SERPINE3: variants seen among roughly 807,000 people sequenced by gnomAD.
The protein encoded by SERPINE3 is serpin family E member 3, also known as serpin E3.
SERPINE3 carries 43 observed loss-of-function variants against 41.7 expected under a neutral mutation model. The observed-to-expected ratio is 1.03, with a 90% CI of 0.81 to 1.33. The LOEUF (loss-of-function observed/expected upper bound fraction) is 1.33. SERPINE3 is among the 40% of genes most tolerant of loss of function. The probability of loss-of-function intolerance (pLI) is 0.00; values close to 1 mark genes in which losing one functional copy is unlikely to be tolerated. For missense variants in SERPINE3, 440 were observed against 491.7 expected (o/e 0.89, Z 0.99); for synonymous variants, 200 against 192.2 (o/e 1.04, Z -0.34).
intron 6 of SERPINE3, among the ~76,000 whole-genome samples, chr13:51,351,630 T>G (rs1280341550): frequency 6.6e-6 from 1 of 152,150 alleles, no homozygotes; most frequent in Admixed American, 6.5e-5. Flanking sequence ...AAGTTGTTAA[T>G]TTGGATGAAG....
chr13:51,344,407 A>G lies in SERPINE3; in HGVS notation c.412A>G (p.Ser138Gly). The G allele has an allele frequency of 6.2e-7, 1 of 1,611,688 alleles. No homozygotes were observed. Among genetic ancestry groups the G allele is most frequent in the Non-Finnish European group, 8.5e-7 (1 of 1,178,906 alleles). ...VEHVSWWANSSLEPADLSEPN... is the reference protein window; with the variant it reads ...VEHVSWWANSGLEPADLSEPN... ...GCACGTCTCCTGGTGGGCTAACAGC[A>G]GCCTGGAACCAGCCGACCTCAGTGA... Residue 138 changes from serine (S) to glycine (G), a missense_variant, in exon 4 of 10, where the codon AGC (serine) becomes GGC (glycine). Ser to Gly is a moderately conservative substitution (Grantham distance 56). Transcript: ENST00000681248.
At chr13:51,342,804 T>C (rs576872365) in intron 3 of SERPINE3, among the ~76,000 whole-genome samples, 10 of 152,304 alleles carry the variant, frequency 6.6e-5, no homozygotes, top group Non-Finnish European at 1.5e-4. Flanking sequence ...CAGAAATACA[T>C]GTGACCTTCC....
intron 7 of SERPINE3, 68 bp from the exon 8 acceptor site, chr13:51,361,210 A>G (rs1350774478): frequency 5.1e-6 from 5 of 984,374 alleles, no homozygotes; most frequent in Non-Finnish European, 7.9e-6. Flanking sequence ...ATTTTTAAAG[A>G]ATGTGTTCTA....
chr13:51,341,522 G>A (rs1955291906), intron 3 of SERPINE3, among the ~76,000 whole-genome samples, 175 bp downstream of exon 3: 1 of 152,216 alleles, frequency 6.6e-6, no homozygotes, highest in South Asian at 2.1e-4. Flanking sequence ...GAGATAGGGA[G>A]CTCAGCTCCC....
chr13:51,339,712 C>G lies in SERPINE3; in HGVS notation c.-127C>G, dbSNP rs948489225. ...GGAGACCCACAAGAACAGAGTCGAG[C>G]AAGGAAACGTGCAACAGTGATACAA... On this transcript the variant is annotated 5_prime_UTR_variant, in exon 1 of 10. Transcript: ENST00000681248. 1 of 152,210 alleles carries G rather than the reference C, an allele frequency of 6.6e-6. No individual in the cohort carries two copies. The highest frequency in any genetic ancestry group is 1.5e-5 in the Non-Finnish European group (1 of 68,044). 9.4% of individuals were successfully genotyped at this position (152,210 alleles called of 1,614,324 possible).
Position 51,361,371 on chromosome 13 carries a change from T to A in SERPINE3, c.1087+7T>A. On this transcript the variant is annotated splice_region_variant and intron_variant, in intron 8 of 9. Transcript: ENST00000681248. ...AAGGCATCTGGAGCCACAGGTATGT[T>A]CAGAGAATACCCAGTCACACTGCTT... 1 of 1,573,002 alleles carries A rather than the reference T, an allele frequency of 6.4e-7. No homozygotes were observed. The highest frequency in any genetic ancestry group is 8.7e-7 in the Non-Finnish European group (1 of 1,145,160).
At chr13:51,359,469 T>G (rs1955529004) in intron 7 of SERPINE3, among the ~76,000 whole-genome samples, 1 of 152,084 alleles carries the variant, frequency 6.6e-6, no homozygotes, top group Admixed American at 6.6e-5. Context: ...TAAATGTCAA[T>G]TATTGGACCA....
intron 4 of SERPINE3, among the ~76,000 whole-genome samples, chr13:51,344,704 GCA>G (rs147836230): frequency 8.0e-5 from 12 of 150,364 alleles, no homozygotes; most frequent in Admixed American, 4.0e-4. Flanking sequence ...ATACACATGG[GCA>G]CACACACACA....
chr13:51,354,515 G>T (rs1955450774), intron 6 of SERPINE3, among the ~76,000 whole-genome samples: 1 of 151,906 alleles, frequency 6.6e-6, no homozygotes, highest in African/African-American at 2.4e-5. Flanking sequence ...CAGCTACTCG[G>T]GAAGCTAAGG....
chr13:51,347,037 G>C lies in SERPINE3; in HGVS notation c.503G>C (p.Ser168Thr), dbSNP rs1955354362. 2 of 1,582,726 alleles carry C rather than the reference G, an allele frequency of 1.3e-6. No individual in the cohort carries two copies. The highest frequency in any genetic ancestry group is 1.3e-5 in the African/African-American group (1 of 74,414). ...ASRETAGGGPSEGPGGWPWEQ... is the reference protein window; with the variant it reads ...ASRETAGGGPTEGPGGWPWEQ... ...TTCCTGCTTGCAGGTGGGGGCCCCA[G>C]TGAGGGCCCTGGTGGCTGGCCGTGG... Residue 168 changes from serine to threonine, a missense_variant, in exon 5 of 10, where the codon AGT becomes ACT. By Grantham distance (58) the Ser-to-Thr change is moderately conservative. Coordinates refer to ENST00000681248, the MANE Select transcript of SERPINE3 (RefSeq NM_001386375.1).
chr13:51,341,113 C>T lies in SERPINE3; in HGVS notation c.22C>T (p.Leu8Phe). The change falls in exon 3 of 10, where the codon CTC becomes TTC. Residue 8 changes from leucine (L) to phenylalanine (F), a missense_variant. Transcript: ENST00000681248. ...CTCCATGCCGCCTTTCCTGATCACC[C>T]TCTTCCTCTTTCACTCTTGCTGCCT... MPPFLITLFLFHSCCLRA... is the reference protein window; with the variant it reads MPPFLITFFLFHSCCLRA... The T allele has an allele frequency of 6.2e-7, 1 of 1,613,996 alleles. No individual in the cohort carries two copies. The highest frequency in any genetic ancestry group is 1.1e-5 in the South Asian group (1 of 91,080).
At chr13:51,342,834 TTATAAG>T (rs989414449) in intron 3 of SERPINE3, among the ~76,000 whole-genome samples, 2 of 152,136 alleles carry the variant, frequency 1.3e-5, no homozygotes, top group Admixed American at 1.3e-4. Context: ...TAAAATCTGA[TTATAAG>T]TATGTTTTTA....
At chr13:51,349,406 T>G (rs931939072) in intron 6 of SERPINE3, among the ~76,000 whole-genome samples, 2 of 152,264 alleles carry the variant, frequency 1.3e-5, no homozygotes, top group Non-Finnish European at 2.9e-5. Context: ...AACTAAATAT[T>G]TGGACCCCAA....
chr13:51,360,473 A>AT (rs1402115592), intron 7 of SERPINE3, among the ~76,000 whole-genome samples: 1 of 152,040 alleles, frequency 6.6e-6, no homozygotes, highest in Non-Finnish European at 1.5e-5. Context: ...TAAATCTTTC[A>AT]TTTTTTACTG....
chr13:51,343,875 T>C (rs2137766792), intron 3 of SERPINE3, among the ~76,000 whole-genome samples: 1 of 152,304 alleles, frequency 6.6e-6, no homozygotes, highest in Non-Finnish European at 1.5e-5. Context: ...CCCATCACCC[T>C]GCACCCTGGA....
chr13:51,364,713 A>G lies in SERPINE3; in HGVS notation c.*431A>G, dbSNP rs1424690428. The G allele has an allele frequency of 6.5e-6, 1 of 154,216 alleles. No individual in the cohort carries two copies. Among genetic ancestry groups the G allele is most frequent in the Non-Finnish European group, 1.4e-5 (1 of 69,246 alleles). The allele number at this position is 154,216 out of a possible 1,614,324, so 9.6% of individuals were successfully genotyped here. A position where few individuals can be genotyped will look rare whatever the true frequency, so the allele number is the denominator to read the frequency against. On this transcript the variant is annotated 3_prime_UTR_variant, in exon 10 of 10. Transcript: ENST00000681248. ...TTTCCTTTCCATTTAGCTTATAAAT[A>G]AAACAGAGTTTAAGTGTGAGAACAG... is the stretch of plus-strand genomic sequence containing the variant.
Position 51,341,179 on chromosome 13 carries a change from A to C in SERPINE3, c.88A>C (p.Lys30Gln). 1 of 1,614,026 alleles carries C rather than the reference A, an allele frequency of 6.2e-7. No homozygotes were observed. Among genetic ancestry groups the C allele is most frequent in the Non-Finnish European group, 8.5e-7 (1 of 1,179,884 alleles). Residue 30 changes from lysine (K) to glutamine (Q), a missense_variant, in exon 3 of 10, where the codon AAG (lysine) becomes CAG (glutamine). Physicochemically the swap from Lys to Gln is moderately conservative, Grantham distance 53. Coordinates refer to ENST00000681248, the MANE Select transcript of SERPINE3 (RefSeq NM_001386375.1). ...CCTCCGTGAAGGAATGACATTGCTGAAGACTGAGTTTGCACTTCACCTCTA... is the reference window on the plus strand; with the variant it reads ...CCTCCGTGAAGGAATGACATTGCTGCAGACTGAGTTTGCACTTCACCTCTA... Reference protein sequence around the residue: ...GHLREGMTLLKTEFALHLYQS... With the variant: ...GHLREGMTLLQTEFALHLYQS...
chr13:51,360,383 T>C (rs1182695495), intron 7 of SERPINE3, among the ~76,000 whole-genome samples: 2 of 152,174 alleles, frequency 1.3e-5, no homozygotes, highest in Non-Finnish European at 2.9e-5. Flanking sequence ...GCTTTTCAAA[T>C]GTGTGATCTC....
chr13:51,357,667 T>TC (rs931546934), intron 7 of SERPINE3, among the ~76,000 whole-genome samples: 10 of 151,860 alleles, frequency 6.6e-5, no homozygotes, highest in Admixed American at 1.3e-4. Context: ...AGAGTGTAGT[T>TC]CCCCCCCAGT....
Sources: allele counts gnomAD v4.1 joint callset (sites outside exome capture counted in the v4.1 genomes callset), GRCh38; gene constraint gnomAD v4.1.1; transcripts MANE v1.5; gene names NCBI Gene and HGNC (gene_info 2026-07-23, HGNC 2026-07-21).